DCC: variants seen among roughly 807,000 people sequenced by gnomAD.
DCC encodes netrin receptor DCC.
DCC carries 58 observed loss-of-function variants against 172.5 expected under a neutral mutation model. The ratio of observed to expected loss-of-function variants is 0.34; its 90% CI spans 0.27 to 0.42. The LOEUF is 0.42. DCC is among the 10% of genes least tolerant of loss of function. The pLI is 1.00. For missense variants in DCC, 1,740 were observed against 1,791.0 expected, an observed-to-expected ratio of 0.97 and a Z score of 0.51; for synonymous variants, 709 against 644.5, an observed-to-expected ratio of 1.10 and a Z score of -1.52.
intron 1 of DCC, among the ~76,000 whole-genome samples, chr18:52,398,477 C>T (rs1239622428): frequency 7.2e-5 from 11 of 151,862 alleles, no homozygotes; most frequent in Admixed American, 1.3e-4. Flanking sequence ...ACTTTTTATG[C>T]GTATAAACTT....
chr18:52,509,963 C>T (rs975529751), intron 1 of DCC, among the ~76,000 whole-genome samples: 5 of 151,962 alleles, frequency 3.3e-5, no homozygotes, highest in Non-Finnish European at 4.4e-5. Flanking sequence ...AATCAGCTGG[C>T]GTGGTGGCAG....
chr18:53,256,436 G>T (rs2056516116), intron 12 of DCC, among the ~76,000 whole-genome samples: 2 of 152,050 alleles, frequency 1.3e-5, no homozygotes, highest in Admixed American at 1.3e-4. Flanking sequence ...CATATGGCCA[G>T]CCAGTTTTCC....
intron 2 of DCC, among the ~76,000 whole-genome samples, chr18:52,903,966 AT>A (rs1333441437): frequency 7.2e-5 from 11 of 152,208 alleles, no homozygotes; most frequent in Non-Finnish European, 1.3e-4. Context: ...AAGGTAACTA[AT>A]TCCTTTCGTT....
chr18:52,795,722 G>A (rs1487401659), intron 2 of DCC, among the ~76,000 whole-genome samples: 2 of 151,870 alleles, frequency 1.3e-5, no homozygotes, highest in Non-Finnish European at 2.9e-5. Flanking sequence ...CTTTTATGAT[G>A]TCATTTATTG....
At chr18:52,387,901 TA>T (rs1313664854) in intron 1 of DCC, among the ~76,000 whole-genome samples, 18 of 152,038 alleles carry the variant, frequency 1.2e-4, no homozygotes, top group Non-Finnish European at 2.2e-4. Context: ...GTTTTAAAAG[TA>T]AAAAGTAAAT....
chr18:53,460,196 T>C (rs1273615476), intron 24 of DCC, among the ~76,000 whole-genome samples: 1 of 144,312 alleles, frequency 6.9e-6, no homozygotes, highest in African/African-American at 2.5e-5. Flanking sequence ...TAAGTGCTTA[T>C]GGGAATCATC....
At chr18:53,279,443 A>C (rs1285753301) in intron 12 of DCC, among the ~76,000 whole-genome samples, 1 of 143,992 alleles carries the variant, frequency 6.9e-6, no homozygotes, top group Non-Finnish European at 1.5e-5. Flanking sequence ...TGGGAATTGA[A>C]CAATGAGAAC....
chr18:52,849,401 A>G lies in DCC; in HGVS notation c.413-56643A>G, dbSNP rs2038941891. Among the ~76,000 whole-genome samples, 6 of 152,178 alleles carry G rather than the reference A, an allele frequency of 3.9e-5. No individual in the cohort carries two copies. In the South Asian group the frequency reaches 1.2e-3, roughly 32 times the overall value. On this transcript the variant is annotated intron_variant, in intron 2 of 28. Coordinates refer to ENST00000442544, the MANE Select transcript of DCC (RefSeq NM_005215.4). ...ACAAACCTTGCCAACAGTGGATGGA[A>G]TTGATCAGTTTTGTTTCTCCTTCTC...
At chr18:52,405,286 A>C (rs199836842) in intron 1 of DCC, among the ~76,000 whole-genome samples, 14,816 of 148,502 alleles carry the variant, frequency 0.1, 951 homozygotes, top group Middle Eastern at 0.18. Flanking sequence ...CCAACAGTGT[A>C]AAAGTGTTCC....
At chr18:52,776,384 G>C (rs1162101537) in intron 2 of DCC, among the ~76,000 whole-genome samples, 1 of 152,006 alleles carries the variant, frequency 6.6e-6, no homozygotes, top group Non-Finnish European at 1.5e-5. Context: ...AGATATTTTA[G>C]TAGAAATTTT....
chr18:52,490,476 A>G lies in DCC; in HGVS notation c.91+149598A>G, dbSNP rs2030442794. ...TTTGGAACCTACTTTCTTTGTTTTCATGACGGGGAAACTGAGACTAAGACA... is the reference window on the plus strand; with the variant it reads ...TTTGGAACCTACTTTCTTTGTTTTCGTGACGGGGAAACTGAGACTAAGACA... On this transcript the variant is annotated intron_variant, in intron 1 of 28. Coordinates refer to ENST00000442544, the MANE Select transcript of DCC (RefSeq NM_005215.4). 3.9e-5 allele frequency among the ~76,000 whole-genome samples: 6 copies of G among 152,196 alleles called. No individual in the cohort carries two copies. The South Asian group carries it at 1.2e-3, about 32-fold the overall frequency.
intron 2 of DCC, among the ~76,000 whole-genome samples, chr18:52,766,685 C>T (rs961229287): frequency 6.6e-6 from 1 of 152,016 alleles, no homozygotes; most frequent in Admixed American, 6.6e-5. Flanking sequence ...CCGGCTGCTT[C>T]TCCCCTCTGC....
intron 7 of DCC, among the ~76,000 whole-genome samples, chr18:53,126,491 G>A (rs937964112): frequency 2.0e-5 from 3 of 152,042 alleles, no homozygotes; most frequent in Admixed American, 2.0e-4. Flanking sequence ...GTCGCTAGGA[G>A]CAGTTAGTAT....
intron 1 of DCC, among the ~76,000 whole-genome samples, chr18:52,644,789 AAGGAAAGAAGG>A (rs1282869422): frequency 2.0e-5 from 1 of 48,934 alleles, no homozygotes; most frequent in Non-Finnish European, 5.1e-5. Context: ...AGAAGGAAAG[AAGGAAAGAAGG>A]AAGGAAGGAA....
At position 52,611,541 on chromosome 18, in the gene DCC, T is replaced by C. The variant is rs1328106474; in HGVS notation, c.92-140513T>C. On this transcript the variant is annotated intron_variant, in intron 1 of 28. Coordinates refer to ENST00000442544, the MANE Select transcript of DCC (RefSeq NM_005215.4). ...CCTGACTGGCTGATGTATGCAGAGA[T>C]AGTCCTCTTCCAAAAACTGTAAGTA... 2.0e-5 allele frequency among the ~76,000 whole-genome samples: 3 copies of C among 152,232 alleles called. No homozygotes were observed. The East Asian group carries it at 5.8e-4, about 29-fold the overall frequency.
chr18:52,562,896 C>T (rs1568230622), intron 1 of DCC, among the ~76,000 whole-genome samples: 1 of 152,184 alleles, frequency 6.6e-6, no homozygotes, highest in East Asian at 1.9e-4. Flanking sequence ...CCCTAAAGTG[C>T]TGGGATTACA....
chr18:52,463,610 C>T (rs1481722812), intron 1 of DCC, among the ~76,000 whole-genome samples: 1 of 152,096 alleles, frequency 6.6e-6, no homozygotes, highest in Non-Finnish European at 1.5e-5. Flanking sequence ...GATTTAGACC[C>T]TGGTCATTCA....
chr18:52,709,295 A>G (rs568122536), intron 1 of DCC, among the ~76,000 whole-genome samples: 1 of 152,352 alleles, frequency 6.6e-6, no homozygotes, highest in South Asian at 2.1e-4. Context: ...ACATCATGCT[A>G]CTTATAGTCT....
intron 27 of DCC, among the ~76,000 whole-genome samples, chr18:53,515,531 A>T (rs938205141): frequency 6.8e-6 from 1 of 146,976 alleles, no homozygotes; most frequent in Admixed American, 6.9e-5. Context: ...AGACGACATG[A>T]TTGTATATCT....
Sources: allele counts gnomAD v4.1 joint callset (sites outside exome capture counted in the v4.1 genomes callset), GRCh38; gene constraint gnomAD v4.1.1; transcripts MANE v1.5; gene names NCBI Gene and HGNC (gene_info 2026-07-23, HGNC 2026-07-21).